ABR: variants seen among roughly 807,000 people sequenced by gnomAD.
ABR encodes the protein ABR activator of RhoGEF and GTPase.
In ABR, 35 loss-of-function variants were observed where a neutral mutation model predicts 107.2. That is an observed-to-expected ratio of 0.33 (90% CI 0.25 to 0.43). The LOEUF is 0.43. ABR is among the 20% of genes least tolerant of loss of function. The pLI, the probability that ABR is intolerant of heterozygous loss-of-function variation, is 1.00. For synonymous variants in ABR, 498 were observed against 462.0 expected, an observed-to-expected ratio of 1.08 and a Z score of -1.00; for missense variants, 815 against 1,115.2, an observed-to-expected ratio of 0.73 and a Z score of 3.83.
intron 16 of ABR, chr17:1,031,840 C>G (rs1017590248): frequency 1.6e-6 from 2 of 1,223,674 alleles, no homozygotes; most frequent in Non-Finnish European, 2.0e-6. Flanking sequence ...CCGGCTTTCC[C>G]CGCGCTCGCC....
At chr17:1,132,254 T>A (rs1281121698) in intron 1 of ABR, among the ~76,000 whole-genome samples, 1 of 151,788 alleles carries the variant, frequency 6.6e-6, no homozygotes, top group Non-Finnish European at 1.5e-5. Context: ...TATATATACC[T>A]CTCCTTACCC....
At chr17:1,019,073 G>A (rs993645753) in intron 16 of ABR, among the ~76,000 whole-genome samples, 5 of 152,150 alleles carry the variant, frequency 3.3e-5, no homozygotes, top group African/African-American at 9.7e-5. Context: ...CTCCTGGTGT[G>A]TGTCCCGACC....
At chr17:1,196,780 C>T (rs368705584) in intron 1 of ABR, among the ~76,000 whole-genome samples, 4 of 151,840 alleles carry the variant, frequency 2.6e-5, no homozygotes, top group Non-Finnish European at 4.4e-5. Flanking sequence ...CCGCAAGCTC[C>T]GCCTCCCGGG....
In ABR at chr17:1,077,708, G is replaced by C. The variant is rs574322647; in HGVS notation, c.700+1622C>G. The stretch of plus-strand genomic sequence containing the variant: ...CACCATCCCCCTCAAGTCAGCCTTC[G>C]ACAAGGAGCTCCAAGGAGCTCCAGG... On this transcript the variant is annotated intron_variant, in intron 6 of 22. Transcript: ENST00000302538. Among the ~76,000 whole-genome samples, 22 of 152,258 alleles carry C rather than the reference G, an allele frequency of 1.4e-4. 1 individual carries two copies. In the South Asian group the frequency reaches 4.4e-3, roughly 30 times the overall value.
chr17:1,117,044 A>C (rs2039022698), intron 2 of ABR, among the ~76,000 whole-genome samples: 1 of 152,170 alleles, frequency 6.6e-6, no homozygotes, highest in Non-Finnish European at 1.5e-5. Flanking sequence ...CCAAGCCCTA[A>C]GCCTTCTGAA....
intron 1 of ABR, among the ~76,000 whole-genome samples, chr17:1,203,446 C>CGGGGGGCGGAGTCTGCG (rs1394065843): frequency 1.2e-4 from 2 of 16,890 alleles, no homozygotes; most frequent in Non-Finnish European, 2.2e-4. Context: ...ACGGAGTCTG[C>CGGGGGGCGGAGTCTGCG]GGGGGCGGGG....
intron 1 of ABR, among the ~76,000 whole-genome samples, chr17:1,135,022 C>A (rs73975647): frequency 0.94 from 143,171 of 152,314 alleles, 67,869 homozygotes; most frequent in East Asian, 1. Context: ...GCTATTATTA[C>A]TGTTATTAAT....
chr17:1,050,179 C>T lies in ABR; in HGVS notation c.1662G>A (p.Glu554=), dbSNP rs767876120. 3 of 1,612,100 alleles carry T rather than the reference C, an allele frequency of 1.9e-6. No individual in the cohort carries two copies. Among genetic ancestry groups the T allele is most frequent in the Non-Finnish European group, 2.5e-6 (3 of 1,179,464 alleles). Residue 554 remains glutamate, a splice_region_variant and synonymous_variant, in exon 16 of 23, where the codon GAG becomes GAA. Coordinates refer to ENST00000302538, the MANE Select transcript of ABR (RefSeq NM_021962.5). This position sits in a 1 kb window ranked among gnomAD's most constrained non-coding sequence, Gnocchi z 4.6. ...RDTAEPKWDE[E]FEIELEGSQS... Reference sequence around the variant, plus strand: ...GGGAGCCCTCCAGCTCGATCTCAAACTCCTGGGGAAAGATGGGACAAAGGG... The same window carrying T: ...GGGAGCCCTCCAGCTCGATCTCAAATTCCTGGGGAAAGATGGGACAAAGGG...
chr17:1,009,780 C>T lies in ABR; in HGVS notation c.2241G>A (p.Leu747=). 1 of 1,613,942 alleles carries T rather than the reference C, an allele frequency of 6.2e-7. No homozygotes were observed. Residue 747 remains leucine, a synonymous_variant, in exon 21 of 23, where the codon CTG becomes CTA. Coordinates refer to ENST00000302538, the MANE Select transcript of ABR (RefSeq NM_021962.5). ...AGTTTTCCTTGGCAGCAGGGTCTGA[C>T]AGGGCTGTGGGAGAGAAGGGCCAGT... ...LYPAFMEGIA[L]SDPAAKENCM...
At chr17:1,127,138 C>T (rs990137686) in intron 1 of ABR, among the ~76,000 whole-genome samples, 12 of 152,230 alleles carry the variant, frequency 7.9e-5, no homozygotes, top group African/African-American at 2.7e-4. Context: ...TGCCTCTCCT[C>T]GTCCCTGAGC....
intron 4 of ABR, among the ~76,000 whole-genome samples, chr17:1,087,873 CCA>C (rs1051959121): frequency 6.6e-6 from 1 of 152,170 alleles, no homozygotes; most frequent in Admixed American, 6.5e-5. Context: ...ACTGCCGCTG[CCA>C]CAGTCACCCC....
At chr17:1,093,263 G>A (rs948608671) in intron 3 of ABR, among the ~76,000 whole-genome samples, 3 of 151,992 alleles carry the variant, frequency 2.0e-5, no homozygotes, top group Non-Finnish European at 4.4e-5. Context: ...GAGGCCAGGA[G>A]TTCGAGACAA....
rs141781239 is a variant in ABR, at chr17:1,227,924, G to A, written c.838+869C>T. ...AGCTTTGACTGCTGCAAAGCACCGT[G>A]CATACTACCAGAAGGGGGTTCAAAG... On this transcript the variant is annotated intron_variant, in intron 1 of 22. Coordinates refer to the ABR transcript ENST00000574139. Among the ~76,000 whole-genome samples the A allele has an allele frequency of 4.5e-3, 683 of 152,290 alleles. 7 individuals are homozygous for A. Among genetic ancestry groups the A allele is most frequent in the African/African-American group, 0.016 (645 of 41,560 alleles).
At position 1,090,535 on chromosome 17, in the gene ABR, G is replaced by T. The variant is rs531995931; in HGVS notation, c.531+1130C>A. ...AAAAAGTGGAGTCCACAGGACAGGTGGGGGAGGGGGTGCAGCCAGAAAGAG... is the reference window on the plus strand; with the variant it reads ...AAAAAGTGGAGTCCACAGGACAGGTTGGGGAGGGGGTGCAGCCAGAAAGAG... On this transcript the variant is annotated intron_variant, in intron 4 of 22. Transcript: ENST00000302538. 5.3e-5 allele frequency among the ~76,000 whole-genome samples: 8 copies of T among 152,294 alleles called. No homozygotes were observed. The East Asian group carries it at 9.7e-4, about 18-fold the overall frequency.
intron 1 of ABR, among the ~76,000 whole-genome samples, chr17:1,203,619 C>G (rs1357452575): frequency 1.4e-5 from 2 of 144,388 alleles, no homozygotes; most frequent in Non-Finnish European, 3.0e-5. Flanking sequence ...TCACCGCCCG[C>G]CGCCGCTGCG....
intron 9 of ABR, 122 bp from the exon 10 acceptor site, chr17:1,067,364 A>G: frequency 1.1e-6 from 1 of 912,014 alleles, no homozygotes; most frequent in Non-Finnish European, 1.6e-6. Flanking sequence ...AGAAGCAAGA[A>G]CGATCCCTGC....
Position 1,179,913 on chromosome 17 carries a change from A to C in ABR, c.-186T>G. On this transcript the variant is annotated 5_prime_UTR_variant, in exon 1 of 23. Coordinates refer to ENST00000302538, the MANE Select transcript of ABR (RefSeq NM_021962.5). This position sits in a 1 kb window ranked among gnomAD's most constrained non-coding sequence, Gnocchi z 4.9. Reference sequence around the variant, plus strand: ...GCGAGGGCGGGGCGGGAGCCCCCAAAACCCTCCCGAACCCTCCCGGCCCCA... The same window carrying C: ...GCGAGGGCGGGGCGGGAGCCCCCAACACCCTCCCGAACCCTCCCGGCCCCA... 5.4e-6 allele frequency: 2 copies of C among 368,396 alleles called. No homozygotes were observed. Among genetic ancestry groups the C allele is most frequent in the East Asian group, 5.2e-5 (1 of 19,236 alleles). 22.8% of individuals were successfully genotyped at this position (368,396 alleles called of 1,614,324 possible). A position where few individuals can be genotyped will look rare whatever the true frequency, so the allele number is the denominator to read the frequency against.
chr17:1,201,432 A>G (rs1027951525), intron 1 of ABR, among the ~76,000 whole-genome samples: 1 of 152,156 alleles, frequency 6.6e-6, no homozygotes, highest in Non-Finnish European at 1.5e-5. Context: ...CTCACGCAGT[A>G]TCAGCTATTA....
upstream of ABR, among the ~76,000 whole-genome samples, chr17:1,190,077 T>C (rs778330473): frequency 1.8e-4 from 28 of 152,124 alleles, no homozygotes; most frequent in Non-Finnish European, 3.5e-4. Context: ...AAAGAACAAA[T>C]GGCCCCTAGG....
Sources: allele counts gnomAD v4.1 joint callset (sites outside exome capture counted in the v4.1 genomes callset), GRCh38; gene constraint gnomAD v4.1.1; non-coding constraint Gnocchi (gnomAD v3.1); transcripts MANE v1.5; gene names NCBI Gene and HGNC (gene_info 2026-07-23, HGNC 2026-07-21).